The following ASTN1 variants were observed in gnomAD, a reference collection of about 807,000 sequenced individuals.
ASTN1 encodes the protein astrotactin-1.
ASTN1 carries 41 observed loss-of-function variants against 140.7 expected under a neutral mutation model. That is an observed-to-expected ratio of 0.29 (90% CI 0.23 to 0.38). ASTN1 has a LOEUF of 0.38. Ranked by LOEUF, ASTN1 falls within the 10% of genes least tolerant of loss-of-function variation. ASTN1 has a pLI of 1.00. For missense variants in ASTN1, 1,479 were observed against 1,678.8 expected, an observed-to-expected ratio of 0.88 and a Z score of 2.08; for synonymous variants, 640 against 652.2, an observed-to-expected ratio of 0.98 and a Z score of 0.29.
chr1:176,867,422 T>A (rs1319150954), intron 22 of ASTN1, among the ~76,000 whole-genome samples: 1 of 151,900 alleles, frequency 6.6e-6, no homozygotes, highest in East Asian at 1.9e-4. Flanking sequence ...TAGGAATGAG[T>A]AAGAATAAGG....
At chr1:177,072,130 C>T (rs556658401) in intron 1 of ASTN1, among the ~76,000 whole-genome samples, 2 of 152,230 alleles carry the variant, frequency 1.3e-5, no homozygotes, top group African/African-American at 2.4e-5. Flanking sequence ...TCTACCAAAC[C>T]GATGTTTATT....
chr1:176,864,332 C>G lies in ASTN1; in HGVS notation c.3837G>C (p.Gln1279His). The G allele has an allele frequency of 6.2e-7, 1 of 1,614,160 alleles. No homozygotes were observed. The highest frequency in any genetic ancestry group is 8.5e-7 in the Non-Finnish European group (1 of 1,180,018). The stretch of plus-strand genomic sequence containing the variant: ...AGTCGTTGTAGGGGATACTCAGGGT[C>G]TGCTCCTCACACGTCTTCCTGAGGT... ...SRDLRKTCEE[Q>H]TLSIPYNDYG... The change falls in exon 23 of 23, where the codon CAG becomes CAC. Residue 1279 changes from glutamine (Q) to histidine (H), a missense_variant. Gln to His is a conservative substitution (Grantham distance 24, BLOSUM62 0). Coordinates refer to ENST00000361833, the MANE Select transcript of ASTN1 (RefSeq NM_004319.3).
At chr1:176,962,060 T>C (rs1194318410) in intron 9 of ASTN1, among the ~76,000 whole-genome samples, 1 of 152,202 alleles carries the variant, frequency 6.6e-6, no homozygotes, top group African/African-American at 2.4e-5. Context: ...TCAATTGCTC[T>C]TGACCTGGCA....
chr1:176,911,873 G>T (rs541355077), intron 16 of ASTN1, among the ~76,000 whole-genome samples: 1 of 152,290 alleles, frequency 6.6e-6, no homozygotes, highest in East Asian at 1.9e-4. Flanking sequence ...ACTTTTATAC[G>T]ACTGGCAGCG....
chr1:177,158,365 T>A (rs1044325067), intron 1 of ASTN1, among the ~76,000 whole-genome samples: 1 of 152,208 alleles, frequency 6.6e-6, no homozygotes, highest in Non-Finnish European at 1.5e-5. Context: ...ATAATTTTTT[T>A]AAAGTAATTA....
In ASTN1 at chr1:177,023,413, G is replaced by T. The variant is rs982205789; in HGVS notation, c.1429C>A (p.Pro477Thr). Residue 477 changes from proline (P) to threonine (T), a missense_variant, in exon 7 of 23, where the codon CCC (proline) becomes ACC (threonine). Physicochemically the swap from Pro to Thr is conservative, Grantham distance 38. Transcript: ENST00000361833. ...CGGTGCTCCCGCCTACCAGTTTCGG[G>T]GTCACATTGGTGTTCACAGGGGTCC... ...LLDPCEHQCD[P>T]ETGECLCYEG... The T allele has an allele frequency of 6.3e-7, 1 of 1,593,796 alleles. No homozygotes were observed. The highest frequency in any genetic ancestry group is 1.8e-5 in the Admixed American group (1 of 56,950).
At chr1:176,996,289 TCACACA>T (rs372443740) in intron 8 of ASTN1, among the ~76,000 whole-genome samples, 1 of 129,302 alleles carries the variant, frequency 7.7e-6, no homozygotes, top group Non-Finnish European at 1.6e-5. Context: ...TCTCTCTCTC[TCACACA>T]CACACACACA....
chr1:177,116,604 A>G (rs1681103002), intron 1 of ASTN1, among the ~76,000 whole-genome samples: 1 of 152,034 alleles, frequency 6.6e-6, no homozygotes, highest in South Asian at 2.1e-4. Context: ...TTTGTGCTCT[A>G]TTTTCACATC....
chr1:177,039,534 A>G (rs376100223), intron 2 of ASTN1, among the ~76,000 whole-genome samples: 1 of 152,242 alleles, frequency 6.6e-6, no homozygotes, highest in African/African-American at 2.4e-5. Flanking sequence ...TGGATAAAGC[A>G]GTTGGATAAC....
chr1:176,867,456 G>A (rs1668167346), intron 22 of ASTN1, among the ~76,000 whole-genome samples: 1 of 152,018 alleles, frequency 6.6e-6, no homozygotes, highest in Non-Finnish European at 1.5e-5. Context: ...AGAGTATGAA[G>A]TGAAGACAAT....
intron 1 of ASTN1, among the ~76,000 whole-genome samples, chr1:177,093,616 C>T (rs1679881647): frequency 6.6e-6 from 1 of 152,086 alleles, no homozygotes. Context: ...TGGAAAGCAA[C>T]AATACAAAAT....
chr1:176,925,972 A>AT (rs550305825), intron 16 of ASTN1, among the ~76,000 whole-genome samples: 3 of 151,618 alleles, frequency 2.0e-5, no homozygotes, highest in South Asian at 4.2e-4. Context: ...CGCCCAGCTA[A>AT]TTTTTTTGTA....
At chr1:177,133,799 T>G (rs1682049008) in intron 1 of ASTN1, among the ~76,000 whole-genome samples, 1 of 152,230 alleles carries the variant, frequency 6.6e-6, no homozygotes, top group African/African-American at 2.4e-5. Context: ...AGAAGATAAC[T>G]AATTTTCTAT....
At chr1:177,143,388 C>A (rs1360870785) in intron 1 of ASTN1, among the ~76,000 whole-genome samples, 1 of 152,162 alleles carries the variant, frequency 6.6e-6, no homozygotes, top group African/African-American at 2.4e-5. Context: ...GCTATGGCCA[C>A]GCGCAGGGAC....
chr1:177,104,930 T>C (rs1394081240), intron 1 of ASTN1, among the ~76,000 whole-genome samples: 1 of 152,072 alleles, frequency 6.6e-6, no homozygotes, highest in African/African-American at 2.4e-5. Context: ...CCACTACCTT[T>C]CATGAAGTAT....
In ASTN1 at chr1:177,162,719, A is replaced by G. The variant is rs567950265; in HGVS notation, c.283+1675T>C. 2.0e-5 allele frequency among the ~76,000 whole-genome samples: 3 copies of G among 152,246 alleles called. No homozygotes were observed. The East Asian group carries it at 5.8e-4, about 29-fold the overall frequency. ...AAAACAGCCTCTTTAGAAACACATA[A>G]TTCCCTCTACTCACTTTTATATACT... On this transcript the variant is annotated intron_variant, in intron 1 of 22. Coordinates refer to ENST00000361833, the MANE Select transcript of ASTN1 (RefSeq NM_004319.3).
downstream of ASTN1, among the ~76,000 whole-genome samples, chr1:176,858,879 G>T (rs571346712): frequency 6.6e-6 from 1 of 152,160 alleles, no homozygotes; most frequent in Non-Finnish European, 1.5e-5. Context: ...ATAGTGTAAG[G>T]GTTTGTGTCA....
chr1:176,928,845 C>T (rs1347702528), intron 16 of ASTN1, among the ~76,000 whole-genome samples: 1 of 152,056 alleles, frequency 6.6e-6, no homozygotes, highest in African/African-American at 2.4e-5. Context: ...TGTTGATCGT[C>T]AGGGCCTGGA....
intron 1 of ASTN1, among the ~76,000 whole-genome samples, chr1:177,162,362 T>A (rs1647430097): frequency 6.6e-6 from 1 of 152,132 alleles, no homozygotes. Context: ...GAGTGGGAGA[T>A]AATCGATGCA....
Sources: gnomAD v4.1 joint callset for allele counts (sites outside exome capture counted in the v4.1 genomes callset) on GRCh38, gnomAD v4.1.1 for gene constraint, MANE v1.5 for transcripts, NCBI Gene and HGNC (gene_info 2026-07-23, HGNC 2026-07-21) for gene names.